The following FAM50B variants were observed in gnomAD, a reference collection of about 807,000 sequenced individuals.
FAM50B encodes the protein family with sequence similarity 50 member B.
Under a neutral mutation model 25.4 loss-of-function variants are expected in FAM50B, and 9 were observed. That is an observed-to-expected ratio of 0.35 (90% CI 0.21 to 0.62). The LOEUF (loss-of-function observed/expected upper bound fraction) is 0.62, where lower values mean the gene tolerates loss of function less well. Ranked by LOEUF, FAM50B falls within the 20% of genes least tolerant of loss-of-function variation. The pLI, the probability that FAM50B is intolerant of heterozygous loss-of-function variation, is 0.73. For synonymous variants in FAM50B, 212 were observed against 204.3 expected (o/e 1.04, Z -0.32); for missense variants, 372 against 477.9 (o/e 0.78, Z 2.07).
At position 3,849,382 on chromosome 6, in the gene FAM50B, G is replaced by T; in HGVS notation, c.-128G>T. The T allele has an allele frequency of 6.1e-6, 1 of 164,990 alleles. No individual in the cohort carries two copies. Among genetic ancestry groups the T allele is most frequent in the Non-Finnish European group, 1.3e-5 (1 of 76,382 alleles). 10.2% of individuals were successfully genotyped at this position (164,990 alleles called of 1,614,324 possible). The stretch of plus-strand genomic sequence containing the variant: ...GGGGCGCACCGCCTCCACTTCCTGT[G>T]TCCACGGCTGTCGCGAGAGCCCGGG... On this transcript the variant is annotated 5_prime_UTR_variant, in exon 1 of 2. Transcript: ENST00000648326.
At chr6:3,847,195 TC>T (rs1762133653), upstream of FAM50B, among the ~76,000 whole-genome samples, 1 of 152,228 alleles carries the variant, frequency 6.6e-6, no homozygotes, top group Non-Finnish European at 1.5e-5. Context: ...AGTCAACCTG[TC>T]CTTTGAAGCC....
At chr6:3,848,487 C>T (rs1762150631), upstream of FAM50B, among the ~76,000 whole-genome samples, 1 of 152,144 alleles carries the variant, frequency 6.6e-6, no homozygotes, top group Non-Finnish European at 1.5e-5. Context: ...TATGTGGGTG[C>T]CATATGTAAT....
chr6:3,841,383 A>G, the FAM50B span, among the ~76,000 whole-genome samples: 1 of 152,188 alleles, frequency 6.6e-6, no homozygotes, highest in Non-Finnish European at 1.5e-5. Context: ...CAGTGGGTTT[A>G]TCAAAAGTTC....
At chr6:3,847,868 C>A (rs1762140437), upstream of FAM50B, among the ~76,000 whole-genome samples, 5 of 152,166 alleles carry the variant, frequency 3.3e-5, no homozygotes, top group African/African-American at 1.2e-4. Context: ...GGCCTAATTT[C>A]AATATTGCTG....
the FAM50B span, among the ~76,000 whole-genome samples, chr6:3,839,861 T>C: frequency 6.6e-6 from 1 of 152,162 alleles, no homozygotes; most frequent in East Asian, 1.9e-4. Flanking sequence ...CAACAAAACA[T>C]AGGGCCGGGA....
chr6:3,850,719 A>T lies in FAM50B; in HGVS notation c.908A>T (p.His303Leu), dbSNP rs1762206729. The T allele has an allele frequency of 1.2e-6, 2 of 1,613,948 alleles. No homozygotes were observed. Among genetic ancestry groups the T allele is most frequent in the African/African-American group, 2.7e-5 (2 of 74,934 alleles). ...CGCAGCTGGTACGAGAAGAACAAGC[A>T]CATCTTCCCCGCCAGCCGCTGGGAG... Reference protein sequence around the residue: ...VLRSWYEKNKHIFPASRWEAY... With the variant: ...VLRSWYEKNKLIFPASRWEAY... Residue 303 changes from histidine to leucine, a missense_variant, in exon 2 of 2, where the codon CAC becomes CTC. This residue lies in a region of FAM50B where 57 missense variants were observed against 65.8 expected (regional missense o/e 0.87). Transcript: ENST00000648326.
At chr6:3,832,436 A>G in the FAM50B span, among the ~76,000 whole-genome samples, 2 of 152,228 alleles carry the variant, frequency 1.3e-5, no homozygotes, top group Non-Finnish European at 2.9e-5. Context: ...AGCCACTGCT[A>G]CAGTGAACAG....
the FAM50B span, among the ~76,000 whole-genome samples, chr6:3,835,902 T>A: frequency 2.4e-4 from 37 of 152,200 alleles, 1 homozygote; most frequent in Admixed American, 6.5e-4. Context: ...CATTTCCAGC[T>A]GCAGGATTCC....
Position 3,850,992 on chromosome 6 carries a change from C to A in FAM50B, c.*203C>A. On this transcript the variant is annotated 3_prime_UTR_variant, in exon 2 of 2. Coordinates refer to ENST00000648326, the MANE Select transcript of FAM50B (RefSeq NM_012135.3). ...GTCTTTTCTGAGTATTTTAGTGTTG[C>A]CACCTGGATTTGCTGCATTGCTCTG... 1.3e-6 allele frequency: 1 copy of A among 798,352 alleles called. No individual in the cohort carries two copies. Among genetic ancestry groups the A allele is most frequent in the Non-Finnish European group, 2.0e-6 (1 of 510,862 alleles). 49.5% of individuals were successfully genotyped at this position (798,352 alleles called of 1,614,324 possible). A position where few individuals can be genotyped will look rare whatever the true frequency, so the allele number is the denominator to read the frequency against.
At position 3,850,963 on chromosome 6, in the gene FAM50B, G is replaced by A; in HGVS notation, c.*174G>A. On this transcript the variant is annotated 3_prime_UTR_variant, in exon 2 of 2. Coordinates refer to ENST00000648326, the MANE Select transcript of FAM50B (RefSeq NM_012135.3). Reference sequence around the variant, plus strand: ...GCTGATGTTATGCTTTGGTTGCTTGGTTGGTCTTTTCTGAGTATTTTAGTG... The same window carrying A: ...GCTGATGTTATGCTTTGGTTGCTTGATTGGTCTTTTCTGAGTATTTTAGTG... 1 of 1,132,000 alleles carries A rather than the reference G, an allele frequency of 8.8e-7. No individual in the cohort carries two copies. The highest frequency in any genetic ancestry group is 1.2e-6 in the Non-Finnish European group (1 of 810,880). The allele number at this position is 1,132,000 out of a possible 1,614,324, so 70.1% of individuals were successfully genotyped here.
the FAM50B span, among the ~76,000 whole-genome samples, chr6:3,840,842 A>G: frequency 2.0e-5 from 3 of 152,380 alleles, no homozygotes; most frequent in Admixed American, 2.0e-4. Context: ...ACATAACTAT[A>G]TACCAAAAAC....
chr6:3,835,318 C>T, the FAM50B span, among the ~76,000 whole-genome samples: 3 of 152,222 alleles, frequency 2.0e-5, no homozygotes, highest in Non-Finnish European at 4.4e-5. Flanking sequence ...TGTGCAGTTG[C>T]CATTGCTGTT....
chr6:3,848,668 C>T (rs1348716262), upstream of FAM50B, among the ~76,000 whole-genome samples: 10 of 152,124 alleles, frequency 6.6e-5, no homozygotes, highest in Non-Finnish European at 1.5e-4. Flanking sequence ...GAGAAACGGT[C>T]ACGAAACATG....
At chr6:3,848,456 A>G (rs533881112), upstream of FAM50B, among the ~76,000 whole-genome samples, 23 of 152,302 alleles carry the variant, frequency 1.5e-4, 1 homozygote, top group South Asian at 4.8e-3. Context: ...GAGGGCTCAC[A>G]CCGTGCTGTT....
upstream of FAM50B, among the ~76,000 whole-genome samples, chr6:3,844,688 T>C (rs994724098): frequency 6.6e-6 from 1 of 152,168 alleles, no homozygotes; most frequent in African/African-American, 2.4e-5. Flanking sequence ...TACTCCAGCC[T>C]GGAAGACAGA....
At chr6:3,832,153 A>C in the FAM50B span, 22 of 152,218 alleles carry the variant, frequency 1.4e-4, no homozygotes, top group Non-Finnish European at 2.9e-4. Context: ...GTGGGGAGTA[A>C]TGAACCTTTC....
the FAM50B span, among the ~76,000 whole-genome samples, chr6:3,832,984 C>T: frequency 1.3e-5 from 2 of 152,154 alleles, no homozygotes; most frequent in Non-Finnish European, 2.9e-5. Flanking sequence ...GTCTCAGCCC[C>T]CAAGTAGCTG....
In FAM50B at chr6:3,849,904, G is replaced by A. The variant is rs1200725126; in HGVS notation, c.93G>A (p.Leu31=). The A allele has an allele frequency of 1.2e-6, 2 of 1,613,610 alleles. No individual in the cohort carries two copies. The change falls in exon 2 of 2, where the codon CTG becomes CTA. Residue 31 remains leucine (L), a synonymous_variant. Coordinates refer to ENST00000648326, the MANE Select transcript of FAM50B (RefSeq NM_012135.3). ...GGCAGCGGGAGCAGATGGAGGTGCT[G>A]AAGCAGCGCATCGCCGAGGAGACCA... ...RERQREQMEV[L]KQRIAEETIL...
At chr6:3,849,316 C>G (rs1194339960), upstream of FAM50B, 2 of 153,930 alleles carry the variant, frequency 1.3e-5, no homozygotes, top group African/African-American at 4.8e-5. Flanking sequence ...GCCGCCCTAC[C>G]AGGAGCCTGG....
Sources: gnomAD v4.1 joint callset for allele counts (sites outside exome capture counted in the v4.1 genomes callset) on GRCh38, gnomAD v4.1.1 for gene constraint, gnomAD v4.1.1 regional missense constraint, MANE v1.5 for transcripts, NCBI Gene and HGNC (gene_info 2026-07-23, HGNC 2026-07-21) for gene names.